Variants in SYNCRIP observed in about 807,000 individuals in gnomAD.
SYNCRIP encodes heterogeneous nuclear ribonucleoprotein Q.
SYNCRIP carries 9 observed loss-of-function variants against 68.9 expected under a neutral mutation model. That is an observed-to-expected ratio of 0.13 (90% confidence interval 0.08 to 0.23). SYNCRIP has a LOEUF of 0.23. Among genes scored for constraint, SYNCRIP ranks in the 10% least tolerant of loss-of-function variants. SYNCRIP has a pLI of 1.00. For synonymous variants in SYNCRIP, 258 were observed against 254.0 expected (o/e 1.02, Z -0.15); for missense variants, 414 against 770.6 (o/e 0.54, Z 5.48).
chr6:85,619,361 T>C lies in SYNCRIP; in HGVS notation c.1065A>G (p.Glu355=). 2 of 1,614,024 alleles carry C rather than the reference T, an allele frequency of 1.2e-6. No homozygotes were observed. Among genetic ancestry groups the C allele is most frequent in the Non-Finnish European group, 1.7e-6 (2 of 1,179,990 alleles). ...LANTVTEEIL[E]KAFSQFGKLE... ...GTTTCCCAAACTGACTAAATGCCTT[T>C]TCTAAAATCTCTTCTGTTACAGTAT... is the stretch of plus-strand genomic sequence containing the variant. Residue 355 remains glutamate, a synonymous_variant, in exon 9 of 11, where the codon GAA becomes GAG. Transcript: ENST00000369622.
intron 1 of SYNCRIP, among the ~76,000 whole-genome samples, chr6:85,642,086 G>A (rs1809234931): frequency 6.6e-6 from 1 of 152,168 alleles, no homozygotes; most frequent in Admixed American, 6.5e-5. Context: ...CCCAAACCAA[G>A]ACGACCATCA....
At chr6:85,616,685 C>A (rs559699564) in intron 10 of SYNCRIP, among the ~76,000 whole-genome samples, 1 of 152,308 alleles carries the variant, frequency 6.6e-6, no homozygotes, top group Admixed American at 6.5e-5. Flanking sequence ...CCTGTTCCAA[C>A]TGACTAACGT....
At chr6:85,623,817 G>A (rs981142024) in intron 7 of SYNCRIP, among the ~76,000 whole-genome samples, 160 bp downstream of exon 7, 2 of 152,150 alleles carry the variant, frequency 1.3e-5, no homozygotes, top group Non-Finnish European at 2.9e-5. Context: ...CTGAATGCCT[G>A]TTCTTCTTAT....
At chr6:85,627,442 G>A (rs998269538) in intron 6 of SYNCRIP, among the ~76,000 whole-genome samples, 13 of 151,858 alleles carry the variant, frequency 8.6e-5, no homozygotes, top group African/African-American at 2.7e-4. Context: ...CCCCATCTAC[G>A]GATTACGCAT....
chr6:85,641,186 C>CA, intron 2 of SYNCRIP, 106 bp downstream of exon 2: 1 of 839,618 alleles, frequency 1.2e-6, no homozygotes, highest in Non-Finnish European at 1.9e-6. Context: ...AGCAAAACTC[C>CA]AGTACCCACA....
intron 6 of SYNCRIP, among the ~76,000 whole-genome samples, chr6:85,633,568 G>C (rs1293399361): frequency 6.6e-6 from 1 of 152,152 alleles, no homozygotes; most frequent in African/African-American, 2.4e-5. Context: ...CCCAGCCTGG[G>C]CAACAGAGGG....
intron 8 of SYNCRIP, 65 bp downstream of exon 8, chr6:85,622,417 C>A: frequency 5.0e-6 from 7 of 1,403,498 alleles, no homozygotes; most frequent in East Asian, 2.3e-5. Context: ...ATGTTCCCCC[C>A]ACCCCAACCC....
At chr6:85,630,997 G>A (rs535425000) in intron 6 of SYNCRIP, among the ~76,000 whole-genome samples, 15 of 152,284 alleles carry the variant, frequency 9.9e-5, no homozygotes, top group African/African-American at 2.9e-4. Flanking sequence ...TAAATGGGCT[G>A]CTTTCAACCC....
chr6:85,639,703 A>C (rs1808901766), intron 4 of SYNCRIP, among the ~76,000 whole-genome samples: 1 of 152,222 alleles, frequency 6.6e-6, no homozygotes, highest in Non-Finnish European at 1.5e-5. Flanking sequence ...CATGATTTTA[A>C]ACCAAAAAAA....
At chr6:85,626,727 T>C (rs1245557484) in intron 6 of SYNCRIP, among the ~76,000 whole-genome samples, 1 of 152,200 alleles carries the variant, frequency 6.6e-6, no homozygotes, top group Non-Finnish European at 1.5e-5. Context: ...AACACTTCCA[T>C]TAACCATCAA....
chr6:85,607,835 C>T (rs1804957454), downstream of SYNCRIP: 1 of 152,042 alleles, frequency 6.6e-6, no homozygotes, highest in Admixed American at 6.6e-5. Flanking sequence ...AGTCAAACTT[C>T]CAGGACTGTT....
At chr6:85,631,648 G>T (rs1459400150) in intron 6 of SYNCRIP, among the ~76,000 whole-genome samples, 1 of 152,172 alleles carries the variant, frequency 6.6e-6, no homozygotes, top group Admixed American at 6.5e-5. Context: ...GCAACAGATA[G>T]GACCTACTTC....
Position 85,614,941 on chromosome 6 carries a change from C to T in SYNCRIP, c.1687G>A (p.Gly563Arg), listed in dbSNP as rs1190258541. 6.2e-7 allele frequency: 1 copy of T among 1,614,058 alleles called. No homozygotes were observed. The highest frequency in any genetic ancestry group is 8.5e-7 in the Non-Finnish European group (1 of 1,179,970). ...ARGGRGGNVG[G>R]KRKADGYNQP... ...TTGTACCCATCAGCTTTGCGCTTTC[C>T]TCCTACATTTCCACCGCGGCCACCC... Residue 563 changes from glycine (G) to arginine (R), a missense_variant, in exon 11 of 11, where the codon GGA (glycine) becomes AGA (arginine). Coordinates refer to ENST00000369622, the MANE Select transcript of SYNCRIP (RefSeq NM_006372.5).
chr6:85,615,548 T>C (rs143286241), intron 10 of SYNCRIP, among the ~76,000 whole-genome samples: 308 of 152,362 alleles, frequency 2.0e-3, no homozygotes, highest in African/African-American at 6.7e-3. Flanking sequence ...CATCCCAAAA[T>C]ACCACAAATC....
chr6:85,616,975 C>G (rs1022048702), intron 10 of SYNCRIP, among the ~76,000 whole-genome samples: 1 of 152,056 alleles, frequency 6.6e-6, no homozygotes, highest in African/African-American at 2.4e-5. Flanking sequence ...CCCAAAATGT[C>G]AGGAGGACAG....
At chr6:85,640,358 C>T (rs1258078796) in intron 3 of SYNCRIP, 30 bp from the exon 4 acceptor site, 5 of 1,601,044 alleles carry the variant, frequency 3.1e-6, no homozygotes, top group Non-Finnish European at 4.3e-6. Flanking sequence ...TAATATTTAA[C>T]AATAACCATA....
chr6:85,614,969 C>T lies in SYNCRIP; in HGVS notation c.1659G>A (p.Ala553=), dbSNP rs767277422. The change falls in exon 11 of 11, where the codon GCG becomes GCA. Residue 553 remains alanine (A), a synonymous_variant. Transcript: ENST00000369622. ...QQQRGRGVRG[A]RGGRGGNVGG... ...CTACATTTCCACCGCGGCCACCCCT[C>T]GCACCACGTACCCCGCGGCCTCTTT... The T allele has an allele frequency of 1.8e-5, 29 of 1,613,682 alleles. No individual in the cohort carries two copies. The East Asian group carries it at 2.9e-4, about 16-fold the overall frequency.
At chr6:85,640,047 A>G (rs966738644) in intron 4 of SYNCRIP, among the ~76,000 whole-genome samples, 174 bp downstream of exon 4, 2 of 152,268 alleles carry the variant, frequency 1.3e-5, no homozygotes, top group African/African-American at 4.8e-5. Flanking sequence ...TAAACTTCAC[A>G]GCAAATTGCT....
At chr6:85,627,223 G>A (rs908138036) in intron 6 of SYNCRIP, among the ~76,000 whole-genome samples, 6 of 147,484 alleles carry the variant, frequency 4.1e-5, no homozygotes, top group Non-Finnish European at 8.9e-5. Context: ...AGCCCAGATC[G>A]CGCCACTGCA....
Sources: allele counts gnomAD v4.1 joint callset (sites outside exome capture counted in the v4.1 genomes callset), GRCh38; gene constraint gnomAD v4.1.1; transcripts MANE v1.5; gene names NCBI Gene and HGNC (gene_info 2026-07-23, HGNC 2026-07-21).